Variants in RIC1 observed in about 807,000 individuals in gnomAD.
The protein encoded by RIC1 is guanine nucleotide exchange factor subunit RIC1.
Under a neutral mutation model 169.0 loss-of-function variants are expected in RIC1, and 88 were observed. That is an observed-to-expected ratio of 0.52 (90% CI 0.44 to 0.62). The LOEUF (loss-of-function observed/expected upper bound fraction) is 0.62. RIC1 is among the 20% of genes least tolerant of loss of function. RIC1 has a pLI of 0.00. For missense variants in RIC1, 1,877 were observed against 1,725.5 expected (o/e 1.09, Z -1.56); for synonymous variants, 790 against 601.5 (o/e 1.31, Z -4.59).
chr9:5,706,747 A>G (rs569616887), intron 3 of RIC1, among the ~76,000 whole-genome samples: 5 of 152,162 alleles, frequency 3.3e-5, no homozygotes, highest in Admixed American at 6.5e-5. Context: ...GTTGTTTACA[A>G]TATTCTCTTA....
intron 2 of RIC1, among the ~76,000 whole-genome samples, chr9:5,670,935 C>G (rs1442364912): frequency 6.6e-6 from 1 of 152,170 alleles, no homozygotes; most frequent in African/African-American, 2.4e-5. Context: ...GAGTCCACTT[C>G]TGAGTAGGAC....
intron 12 of RIC1, 143 bp from the exon 13 acceptor site, chr9:5,753,057 G>T (rs1303605084): frequency 1.7e-5 from 11 of 659,796 alleles, no homozygotes; most frequent in Non-Finnish European, 2.7e-5. Context: ...ATATACAAAT[G>T]GTAAATTCCA....
chr9:5,721,866 C>G (rs1221655394), intron 6 of RIC1, among the ~76,000 whole-genome samples: 1 of 150,878 alleles, frequency 6.6e-6, no homozygotes, highest in East Asian at 1.9e-4. Context: ...ATTAGCTGTT[C>G]TGTTCATTTC....
In RIC1 at chr9:5,756,259, T is replaced by A. The variant is rs147647665; in HGVS notation, c.1740T>A (p.His580Gln). ...RTSNLDNAFA[H>Q]VTKAQAETLL... ...CAAATCTGGACAATGCCTTTGCTCA[T>A]GTCACCAAAGCACAAGCAGAAACAT... Residue 580 changes from histidine to glutamine, a missense_variant, in exon 16 of 26, where the codon CAT (histidine) becomes CAA (glutamine). By Grantham distance (24) the His-to-Gln change is conservative (BLOSUM62 0). Around this residue, in one of 3 missense-constraint regions of RIC1, gnomAD observed 1,104 missense variants for 992.0 expected, o/e 1.11. Coordinates refer to ENST00000414202, the MANE Select transcript of RIC1 (RefSeq NM_020829.4). 15 of 1,604,088 alleles carry A rather than the reference T, an allele frequency of 9.4e-6. No homozygotes were observed. Among genetic ancestry groups the A allele is most frequent in the Middle Eastern group, 3.3e-4 (2 of 6,000 alleles).
At chr9:5,685,045 G>T (rs1485006564) in intron 2 of RIC1, among the ~76,000 whole-genome samples, 2 of 151,818 alleles carry the variant, frequency 1.3e-5, no homozygotes, top group African/African-American at 2.4e-5. Flanking sequence ...TTATAAGGTT[G>T]AATTTAATTT....
At chr9:5,712,072 T>A (rs1228326451) in intron 3 of RIC1, among the ~76,000 whole-genome samples, 1 of 152,168 alleles carries the variant, frequency 6.6e-6, no homozygotes, top group Non-Finnish European at 1.5e-5. Context: ...ATGATTTATA[T>A]TCCTTTGGGT....
At chr9:5,652,292 A>C (rs1337503957) in intron 1 of RIC1, among the ~76,000 whole-genome samples, 8 of 152,196 alleles carry the variant, frequency 5.3e-5, no homozygotes, top group Admixed American at 4.6e-4. Context: ...TCTGTAGATC[A>C]CTTTGGGTCA....
chr9:5,689,950 C>A lies in RIC1; in HGVS notation c.253-9C>A, dbSNP rs770491180. 4 of 1,561,548 alleles carry A rather than the reference C, an allele frequency of 2.6e-6. No homozygotes were observed. Among genetic ancestry groups the A allele is most frequent in the Middle Eastern group, 1.7e-4 (1 of 5,920 alleles). The stretch of plus-strand genomic sequence containing the variant: ...CTTTAATTCATGATTAATAAAATTT[C>A]TCTTTCAGACGGCAAATGGATACAT... On this transcript the variant is annotated splice_polypyrimidine_tract_variant and intron_variant, in intron 2 of 25. Transcript: ENST00000414202.
chr9:5,636,673 T>A (rs888607903), intron 1 of RIC1, among the ~76,000 whole-genome samples: 1 of 152,212 alleles, frequency 6.6e-6, no homozygotes, highest in Admixed American at 6.5e-5. Flanking sequence ...GAAACACAAC[T>A]TATTCTTGTA....
intron 2 of RIC1, among the ~76,000 whole-genome samples, chr9:5,680,949 C>T (rs1268731171): frequency 1.3e-5 from 2 of 149,132 alleles, no homozygotes; most frequent in Non-Finnish European, 1.5e-5. Flanking sequence ...GCCTCAGCCT[C>T]CCGAGTAGCT....
chr9:5,644,242 T>A (rs1446964533), intron 1 of RIC1, among the ~76,000 whole-genome samples: 1 of 152,214 alleles, frequency 6.6e-6, no homozygotes, highest in Non-Finnish European at 1.5e-5. Context: ...CATTCCAGCC[T>A]TAGAAAACCT....
At chr9:5,770,408 G>C in intron 23 of RIC1, 130 bp downstream of exon 23, 1 of 825,322 alleles carries the variant, frequency 1.2e-6, no homozygotes, top group East Asian at 2.8e-5. Context: ...CCACTGGAGA[G>C]GTAGAAAGTT....
At chr9:5,725,880 C>G (rs943354074) in intron 6 of RIC1, among the ~76,000 whole-genome samples, 1 of 152,154 alleles carries the variant, frequency 6.6e-6, no homozygotes, top group African/African-American at 2.4e-5. Context: ...GAGTGAGTTT[C>G]TTAATCCTGA....
intron 3 of RIC1, among the ~76,000 whole-genome samples, chr9:5,697,386 A>G (rs1821967235): frequency 6.6e-6 from 1 of 152,060 alleles, no homozygotes; most frequent in Admixed American, 6.5e-5. Context: ...ATGTCTGAAT[A>G]TGGTTGGTTG....
chr9:5,682,043 T>G (rs953811033), intron 2 of RIC1, among the ~76,000 whole-genome samples: 48 of 152,218 alleles, frequency 3.2e-4, no homozygotes, highest in Admixed American at 5.2e-4. Flanking sequence ...ATTTTGAGCC[T>G]ATGTGTGTCT....
intron 12 of RIC1, among the ~76,000 whole-genome samples, chr9:5,749,708 C>G (rs1405968191): frequency 8.2e-6 from 1 of 122,680 alleles, no homozygotes; most frequent in African/African-American, 3.0e-5. Flanking sequence ...TTAACTAAAA[C>G]AAAACAAATA....
At chr9:5,694,699 T>G (rs1212005923) in intron 3 of RIC1, among the ~76,000 whole-genome samples, 1 of 152,112 alleles carries the variant, frequency 6.6e-6, no homozygotes, top group African/African-American at 2.4e-5. Flanking sequence ...ATGGTAGGAC[T>G]GCCCAAATCA....
chr9:5,639,397 T>A (rs1305648892), intron 1 of RIC1, among the ~76,000 whole-genome samples: 1 of 152,234 alleles, frequency 6.6e-6, no homozygotes, highest in African/African-American at 2.4e-5. Context: ...TCCAAGTGTT[T>A]ATATGATTTC....
At chr9:5,674,620 A>G (rs758305678) in intron 2 of RIC1, among the ~76,000 whole-genome samples, 1 of 152,160 alleles carries the variant, frequency 6.6e-6, no homozygotes, top group South Asian at 2.1e-4. Context: ...TAGGTTACCT[A>G]CTCCACAAGT....
Sources: allele counts gnomAD v4.1 joint callset (sites outside exome capture counted in the v4.1 genomes callset), GRCh38; gene constraint gnomAD v4.1.1; regional missense constraint gnomAD v4.1.1; transcripts MANE v1.5; gene names NCBI Gene and HGNC (gene_info 2026-07-23, HGNC 2026-07-21).